GUCY2C: variants seen among roughly 807,000 people sequenced by gnomAD.
GUCY2C encodes the protein guanylate cyclase 2C, also known as guanylyl cyclase C.
Under a neutral mutation model 131.1 loss-of-function variants are expected in GUCY2C, and 118 were observed. That is an observed-to-expected ratio of 0.90 (90% CI 0.78 to 1.05). The LOEUF is 1.05. Among genes scored for constraint, GUCY2C ranks in the 50% least tolerant of loss-of-function variants. The probability of loss-of-function intolerance (pLI) is 0.00; values close to 1 mark genes in which losing one functional copy is unlikely to be tolerated. For synonymous variants in GUCY2C, 452 were observed against 457.8 expected (o/e 0.99, Z 0.16); for missense variants, 1,161 against 1,304.4 (o/e 0.89, Z 1.69).
At chr12:14,627,462 G>T (rs186065923) in intron 20 of GUCY2C, among the ~76,000 whole-genome samples, 1 of 152,312 alleles carries the variant, frequency 6.6e-6, no homozygotes, top group African/African-American at 2.4e-5. Context: ...AAGAGATGAA[G>T]TTGGATAATC....
chr12:14,639,240 G>A (rs1303781932), intron 19 of GUCY2C, among the ~76,000 whole-genome samples: 6 of 147,562 alleles, frequency 4.1e-5, no homozygotes, highest in African/African-American at 1.3e-4. Flanking sequence ...CGGAGTTGCA[G>A]TGAGCCAAGA....
chr12:14,695,600 C>CAA (rs557450619), intron 1 of GUCY2C, among the ~76,000 whole-genome samples: 4,317 of 58,340 alleles, frequency 0.074, 204 homozygotes, highest in Middle Eastern at 0.16. Flanking sequence ...GACTCCATCT[C>CAA]AAAAAAAAAA....
rs11056087 is a variant in GUCY2C at position 14,663,438 on chromosome 12, T to C, written c.1283-2376A>G. Among the ~76,000 whole-genome samples the C allele has an allele frequency of 1.4e-3, 215 of 152,310 alleles. 3 individuals carry two copies. In the South Asian group the frequency reaches 0.019, roughly 13 times the overall value. ...CTGGGATTACAGGCGCACGCCACCA[T>C]GTCCAGCTAATTTTTTGTATTTTTA... is the stretch of plus-strand genomic sequence containing the variant. On this transcript the variant is annotated intron_variant, in intron 10 of 26. Coordinates refer to ENST00000261170, the MANE Select transcript of GUCY2C (RefSeq NM_004963.4).
At chr12:14,686,660 T>G (rs1948476948) in intron 2 of GUCY2C, among the ~76,000 whole-genome samples, 1 of 152,124 alleles carries the variant, frequency 6.6e-6, no homozygotes, top group African/African-American at 2.4e-5. Context: ...ATGCAATTGA[T>G]TGGGTGATTA....
chr12:14,642,279 T>C (rs927827180), intron 17 of GUCY2C, among the ~76,000 whole-genome samples: 11 of 152,218 alleles, frequency 7.2e-5, no homozygotes, highest in African/African-American at 2.7e-4. Context: ...TTAGCTCCTA[T>C]AGATACTCGA....
intron 1 of GUCY2C, among the ~76,000 whole-genome samples, chr12:14,689,543 T>C (rs1057457152): frequency 6.6e-6 from 1 of 152,258 alleles, no homozygotes; most frequent in Non-Finnish European, 1.5e-5. Context: ...GGTGTCTTGG[T>C]CAGTTTTCTA....
chr12:14,638,664 A>G (rs1046651422), intron 19 of GUCY2C, among the ~76,000 whole-genome samples: 1 of 152,196 alleles, frequency 6.6e-6, no homozygotes, highest in Non-Finnish European at 1.5e-5. Context: ...AGTTGATCTC[A>G]TGGAGGTGGA....
At position 14,654,771 on chromosome 12, in the gene GUCY2C, G is replaced by T. The variant is rs180815520; in HGVS notation, c.1470+1741C>A. Among the ~76,000 whole-genome samples the T allele has an allele frequency of 4.6e-5, 7 of 152,290 alleles. No individual in the cohort carries two copies. In the East Asian group the frequency reaches 1.3e-3, roughly 29 times the overall value. ...CTGGACTTGTGCAGAGGTGGAGCGT[G>T]TGGGAGCCCATCTGGGAGAAGATGA... On this transcript the variant is annotated intron_variant, in intron 12 of 26. Transcript: ENST00000261170.
At chr12:14,646,214 A>T (rs1947520695) in intron 15 of GUCY2C, among the ~76,000 whole-genome samples, 1 of 152,222 alleles carries the variant, frequency 6.6e-6, no homozygotes, top group Admixed American at 6.5e-5. Flanking sequence ...AAGCTAATAC[A>T]TAACTGTTCT....
At chr12:14,635,607 A>C (rs999544997) in intron 19 of GUCY2C, among the ~76,000 whole-genome samples, 1 of 152,172 alleles carries the variant, frequency 6.6e-6, no homozygotes, top group Non-Finnish European at 1.5e-5. Flanking sequence ...TAAAGGTCAG[A>C]GTAGAACTAG....
intron 1 of GUCY2C, among the ~76,000 whole-genome samples, chr12:14,696,024 C>T (rs929124129): frequency 6.6e-6 from 1 of 152,076 alleles, no homozygotes; most frequent in Non-Finnish European, 1.5e-5. Context: ...CAGGGCTAGT[C>T]CCAGAGCAAG....
At chr12:14,636,489 C>T (rs760978136) in intron 19 of GUCY2C, among the ~76,000 whole-genome samples, 4 of 152,036 alleles carry the variant, frequency 2.6e-5, no homozygotes, top group Non-Finnish European at 4.4e-5. Flanking sequence ...ATATCACACA[C>T]CCACAAAATA....
rs1948466346 is a variant in GUCY2C, at chr12:14,686,192, G to T, written c.364C>A (p.Pro122Thr). ...TGGAAGGTGGAGTATGTACATGAGG[G>T]CCCTATGAGGACACAGCCCATCCGT... Reference protein sequence around the residue: ...AQRMGCVLIGPSCTYSTFQMY... With the variant: ...AQRMGCVLIGTSCTYSTFQMY... The change falls in exon 3 of 27, where the codon CCC becomes ACC. Residue 122 changes from proline (P) to threonine (T), a missense_variant. Physicochemically the swap from Pro to Thr is conservative, Grantham distance 38 (BLOSUM62 -1). Transcript: ENST00000261170. 6.2e-7 allele frequency: 1 copy of T among 1,607,448 alleles called. No individual in the cohort carries two copies. The highest frequency in any genetic ancestry group is 8.5e-7 in the Non-Finnish European group (1 of 1,173,978).
intron 10 of GUCY2C, among the ~76,000 whole-genome samples, chr12:14,666,538 C>T (rs1947983736): frequency 6.6e-6 from 1 of 152,088 alleles, no homozygotes; most frequent in Non-Finnish European, 1.5e-5. Flanking sequence ...AGTTCCAGAC[C>T]AGCCAGCCCA....
intron 10 of GUCY2C, among the ~76,000 whole-genome samples, chr12:14,662,675 C>CAA (rs35153087): frequency 0.032 from 2,310 of 71,958 alleles, 84 homozygotes; most frequent in African/African-American, 0.094. Flanking sequence ...GACTCCGTCT[C>CAA]AAAAAAAAAA....
At chr12:14,683,004 A>G (rs765379716) in intron 4 of GUCY2C, 38 bp downstream of exon 4, 5 of 1,414,274 alleles carry the variant, frequency 3.5e-6, no homozygotes, top group African/African-American at 1.4e-5. Flanking sequence ...GCTTCTCTCC[A>G]TGGCAAGTGC....
chr12:14,652,371 T>C (rs766464425), intron 13 of GUCY2C, among the ~76,000 whole-genome samples: 8 of 151,970 alleles, frequency 5.3e-5, no homozygotes, highest in Admixed American at 1.3e-4. Flanking sequence ...AACGGGGTTT[T>C]GCCATGTTGG....
At chr12:14,678,848 C>T (rs1197866216) in intron 6 of GUCY2C, among the ~76,000 whole-genome samples, 1 of 152,106 alleles carries the variant, frequency 6.6e-6, no homozygotes, top group African/African-American at 2.4e-5. Flanking sequence ...TACTTTGGCA[C>T]AGCTTGTCAG....
intron 11 of GUCY2C, among the ~76,000 whole-genome samples, chr12:14,658,418 TA>T (rs1947801581): frequency 1.3e-5 from 2 of 152,226 alleles, no homozygotes; most frequent in African/African-American, 4.8e-5. Context: ...GGCTCACACC[TA>T]TAATCCCAGT....
Sources: gnomAD v4.1 joint callset for allele counts (sites outside exome capture counted in the v4.1 genomes callset) on GRCh38, gnomAD v4.1.1 for gene constraint, MANE v1.5 for transcripts, NCBI Gene and HGNC (gene_info 2026-07-23, HGNC 2026-07-21) for gene names.